The following COL26A1 variants were observed in gnomAD, a reference collection of about 807,000 sequenced individuals.
COL26A1 encodes the protein collagen type XXVI alpha 1 chain, also known as collagen alpha-1(XXVI) chain.
Under a neutral mutation model 59.3 loss-of-function variants are expected in COL26A1, and 41 were observed. The ratio of observed to expected loss-of-function variants is 0.69; its 90% CI spans 0.54 to 0.90. The LOEUF is 0.90. Among genes scored for constraint, COL26A1 ranks in the 40% least tolerant of loss-of-function variants. The pLI, the probability that COL26A1 is intolerant of heterozygous loss-of-function variation, is 0.00. For synonymous variants in COL26A1, 266 were observed against 256.0 expected (o/e 1.04, Z -0.37); for missense variants, 612 against 602.3 (o/e 1.02, Z -0.17).
intron 1 of COL26A1, among the ~76,000 whole-genome samples, chr7:101,393,744 G>GCTGGGAA: frequency 6.6e-6 from 1 of 151,836 alleles, no homozygotes; most frequent in East Asian, 1.9e-4. Flanking sequence ...ACTGTGCCTG[G>GCTGGGAA]CCAATTTTTA....
intron 2 of COL26A1, among the ~76,000 whole-genome samples, chr7:101,437,592 A>G (rs899620210): frequency 2.0e-5 from 3 of 151,764 alleles, no homozygotes; most frequent in Non-Finnish European, 4.4e-5. Flanking sequence ...TTTTCTTTTA[A>G]GAGACAGGGC....
At chr7:101,450,475 G>A (rs1028954107) in intron 3 of COL26A1, among the ~76,000 whole-genome samples, 6 of 152,100 alleles carry the variant, frequency 3.9e-5, no homozygotes, top group Admixed American at 6.6e-5. Flanking sequence ...GCCTGCGTTA[G>A]CATAGACTGT....
intron 3 of COL26A1, among the ~76,000 whole-genome samples, chr7:101,482,830 G>T (rs761662325): frequency 1.3e-5 from 2 of 152,176 alleles, no homozygotes; most frequent in African/African-American, 4.8e-5. Flanking sequence ...GTTGGCACAC[G>T]CTTGTAATCC....
intron 3 of COL26A1, among the ~76,000 whole-genome samples, chr7:101,499,142 C>G (rs553750818): frequency 6.6e-6 from 1 of 152,132 alleles, no homozygotes; most frequent in African/African-American, 2.4e-5. Context: ...GGCTGGAGTT[C>G]GCGGGGATCC....
At chr7:101,432,343 A>T (rs1487829408) in intron 2 of COL26A1, among the ~76,000 whole-genome samples, 1 of 152,148 alleles carries the variant, frequency 6.6e-6, no homozygotes, top group Admixed American at 6.6e-5. Context: ...GGCTCATGCT[A>T]GGGGGATATC....
chr7:101,392,868 A>G (rs1285268058), intron 1 of COL26A1, among the ~76,000 whole-genome samples: 1 of 152,152 alleles, frequency 6.6e-6, no homozygotes, highest in Non-Finnish European at 1.5e-5. Context: ...GGTGGGACGC[A>G]GGAGAGTGGC....
chr7:101,516,589 A>G (rs11770737), intron 3 of COL26A1, among the ~76,000 whole-genome samples: 20,125 of 152,128 alleles, frequency 0.13, 1,400 homozygotes, highest in Middle Eastern at 0.19. Context: ...TTTTTAATAT[A>G]AGAGTACAAA....
Position 101,429,211 on chromosome 7 carries a change from A to C in COL26A1, c.281+9112A>C, listed in dbSNP as rs1338331703. ...AGTGCTGGGATTACAGGTGTGAGCC[A>C]CCATGCCTGGCCTCTGCTTTTTTTT... On this transcript the variant is annotated intron_variant, in intron 2 of 12. Coordinates refer to ENST00000313669, the MANE Select transcript of COL26A1 (RefSeq NM_001278563.3). 4.6e-5 allele frequency among the ~76,000 whole-genome samples: 7 copies of C among 152,288 alleles called. No homozygotes were observed. In the East Asian group the frequency reaches 1.2e-3, roughly 25 times the overall value.
At chr7:101,442,499 T>C (rs968408303) in intron 2 of COL26A1, among the ~76,000 whole-genome samples, 17 of 152,170 alleles carry the variant, frequency 1.1e-4, no homozygotes, top group African/African-American at 4.1e-4. Flanking sequence ...ATATTTGGGG[T>C]TGAAATATTT....
At chr7:101,505,016 ATGGTGGCGAACGCCTGT>A (rs1017449419) in intron 3 of COL26A1, among the ~76,000 whole-genome samples, 1 of 152,104 alleles carries the variant, frequency 6.6e-6, no homozygotes, top group Non-Finnish European at 1.5e-5. Flanking sequence ...TTAGCCGGGT[ATGGTGGCGAACGCCTGT>A]AATCCCAGCT....
intron 3 of COL26A1, among the ~76,000 whole-genome samples, chr7:101,525,123 A>G (rs1437969660): frequency 6.6e-6 from 1 of 150,626 alleles, no homozygotes; most frequent in Non-Finnish European, 1.5e-5. Context: ...CAGGTGGAGC[A>G]AGAGTGCTGA....
chr7:101,556,198 C>G (rs1795972295), intron 12 of COL26A1, among the ~76,000 whole-genome samples: 1 of 152,230 alleles, frequency 6.6e-6, no homozygotes. Context: ...TCGGGACCTG[C>G]TCAAAGATCT....
intron 3 of COL26A1, among the ~76,000 whole-genome samples, chr7:101,504,831 G>C (rs1011427047): frequency 2.6e-5 from 4 of 152,170 alleles, no homozygotes; most frequent in African/African-American, 9.6e-5. Context: ...GTGTGTATGT[G>C]TGTGTGTATG....
intron 4 of COL26A1, among the ~76,000 whole-genome samples, chr7:101,536,443 G>A (rs375754514): frequency 4.6e-5 from 7 of 152,242 alleles, no homozygotes; most frequent in African/African-American, 1.7e-4. Context: ...GAGGTCAGGC[G>A]AGTCTGCAGG....
At chr7:101,525,490 A>T (rs1584485953) in intron 3 of COL26A1, among the ~76,000 whole-genome samples, 1 of 114,528 alleles carries the variant, frequency 8.7e-6, no homozygotes, top group Admixed American at 9.9e-5. Context: ...CTCTGACTTC[A>T]CTGTTTTTTT....
intron 3 of COL26A1, among the ~76,000 whole-genome samples, chr7:101,458,377 T>C (rs1320134387): frequency 1.3e-5 from 2 of 152,196 alleles, no homozygotes; most frequent in African/African-American, 4.8e-5. Context: ...GGCTCACGCC[T>C]GTAATTCCAG....
intron 2 of COL26A1, among the ~76,000 whole-genome samples, chr7:101,438,764 G>C (rs1792976594): frequency 6.6e-6 from 1 of 151,502 alleles, no homozygotes; most frequent in Admixed American, 6.6e-5. Flanking sequence ...TCCGCCTCTC[G>C]GGTTCAAGCA....
chr7:101,513,710 G>A (rs894840831), intron 3 of COL26A1, among the ~76,000 whole-genome samples: 1 of 152,126 alleles, frequency 6.6e-6, no homozygotes, highest in African/African-American at 2.4e-5. Flanking sequence ...ACCCAGCATT[G>A]CCTTTCAGAT....
At chr7:101,368,597 A>G (rs1562950404) in intron 1 of COL26A1, among the ~76,000 whole-genome samples, 1 of 152,164 alleles carries the variant, frequency 6.6e-6, no homozygotes, top group Non-Finnish European at 1.5e-5. Context: ...TTCTAGGATG[A>G]AGGTGGTAAC....
Sources: gnomAD v4.1 joint callset for allele counts (sites outside exome capture counted in the v4.1 genomes callset) on GRCh38, gnomAD v4.1.1 for gene constraint, MANE v1.5 for transcripts, NCBI Gene and HGNC (gene_info 2026-07-23, HGNC 2026-07-21) for gene names.